CHD2: variants seen among roughly 807,000 people sequenced by gnomAD.
CHD2 encodes the protein ATP-dependent chromatin remodeler CHD2.
In CHD2, 28 loss-of-function variants were observed where a neutral mutation model predicts 243.9. That is an observed-to-expected ratio of 0.11 (90% confidence interval 0.09 to 0.16). The LOEUF (loss-of-function observed/expected upper bound fraction) is 0.16, where lower values mean the gene tolerates loss of function less well. CHD2 is among the 10% of genes least tolerant of loss of function. CHD2 has a pLI of 1.00. For synonymous variants in CHD2, 775 were observed against 779.0 expected, an observed-to-expected ratio of 0.99 and a Z score of 0.09; for missense variants, 1,386 against 2,209.8, an observed-to-expected ratio of 0.63 and a Z score of 7.47.
chr15:92,988,145 C>A (rs1047348131), intron 26 of CHD2, among the ~76,000 whole-genome samples: 5 of 151,618 alleles, frequency 3.3e-5, no homozygotes, highest in Non-Finnish European at 5.9e-5. Context: ...TACAGTGGTG[C>A]AATCTCGGCC....
At chr15:92,958,486 T>G (rs574216262) in intron 16 of CHD2, among the ~76,000 whole-genome samples, 7 of 152,338 alleles carry the variant, frequency 4.6e-5, no homozygotes, top group African/African-American at 1.7e-4. Flanking sequence ...ATTATTTATA[T>G]CCTACTGCTC....
intron 2 of CHD2, chr15:92,921,607 G>GTCA (rs2052957301): frequency 6.6e-6 from 1 of 152,218 alleles, no homozygotes; most frequent in South Asian, 2.1e-4. Context: ...TCCAGCTAGT[G>GTCA]TCATGGATTG....
chr15:92,908,599 C>T (rs1050439380), intron 2 of CHD2, among the ~76,000 whole-genome samples: 1 of 152,108 alleles, frequency 6.6e-6, no homozygotes, highest in Non-Finnish European at 1.5e-5. Flanking sequence ...GCAGTATCTC[C>T]GTGTGTTTTC....
At chr15:92,991,441 GT>G in intron 26 of CHD2, 34 bp from the exon 27 acceptor site, 3 of 1,523,072 alleles carry the variant, frequency 2.0e-6, no homozygotes, top group African/African-American at 1.4e-5. Context: ...GTAAGTCTCT[GT>G]TTTTTTAATA....
At chr15:92,988,696 C>A (rs1235513210) in intron 26 of CHD2, among the ~76,000 whole-genome samples, 1 of 151,938 alleles carries the variant, frequency 6.6e-6, no homozygotes, top group Non-Finnish European at 1.5e-5. Context: ...ATTGGCCTAT[C>A]TTCAGATTTG....
chr15:92,992,743 A>G, intron 27 of CHD2, 116 bp from the exon 28 acceptor site: 1 of 1,293,902 alleles, frequency 7.7e-7, no homozygotes, highest in South Asian at 1.4e-5. Context: ...CACTAAAGGA[A>G]CGCAAAGAAA....
In CHD2 at chr15:93,025,861, G is replaced by A. The variant is rs1328920114; in HGVS notation, c.*1156G>A. 6 of 152,172 alleles carry A rather than the reference G, an allele frequency of 3.9e-5. No homozygotes were observed. Among genetic ancestry groups the A allele is most frequent in the Non-Finnish European group, 8.8e-5 (6 of 68,034 alleles). 9.4% of individuals were successfully genotyped at this position (152,172 alleles called of 1,614,324 possible). On this transcript the variant is annotated 3_prime_UTR_variant, in exon 39 of 39. Coordinates refer to ENST00000394196, the MANE Select transcript of CHD2 (RefSeq NM_001271.4). ...GAGTAGACAGAATCACACATCATGT[G>A]GTGGGCAGATGGAAATAAGTACCTG...
chr15:92,936,250 G>C (rs996569064), intron 5 of CHD2, among the ~76,000 whole-genome samples: 7 of 152,148 alleles, frequency 4.6e-5, no homozygotes, highest in African/African-American at 1.4e-4. Flanking sequence ...ACCATTACTT[G>C]ACCTGTTCTC....
chr15:92,943,958 A>G (rs1015289094), intron 9 of CHD2: 1 of 152,308 alleles, frequency 6.6e-6, no homozygotes, highest in Non-Finnish European at 1.5e-5. Flanking sequence ...AAATATAATA[A>G]TTCTAATATT....
chr15:92,905,039 G>A (rs1376414610), intron 2 of CHD2: 1 of 1,508,938 alleles, frequency 6.6e-7, no homozygotes, highest in Non-Finnish European at 8.9e-7. Context: ...ATATATTTAA[G>A]ATTCACAGTG....
intron 35 of CHD2, among the ~76,000 whole-genome samples, chr15:93,011,048 C>A (rs1447372969): frequency 4.0e-5 from 6 of 151,098 alleles, no homozygotes; most frequent in Admixed American, 2.0e-4. Flanking sequence ...TTACCAACTT[C>A]TTTCTTTACC....
chr15:92,979,183 A>G lies in CHD2; in HGVS notation c.2776A>G (p.Ile926Val). Residue 926 changes from isoleucine (I) to valine (V), a missense_variant, in exon 22 of 39, where the codon ATA becomes GTA. Around this residue, in one of 19 missense-constraint regions of CHD2, gnomAD observed 18 missense variants for 115.3 expected, o/e 0.16. Coordinates refer to ENST00000394196, the MANE Select transcript of CHD2 (RefSeq NM_001271.4). ...AAAGGGGACTGTGGAGGAGGAGATC[A>G]TAGAACGGGCCAAAAAGAAGATGGT... is the stretch of plus-strand genomic sequence containing the variant. The part of the protein sequence containing the change: ...VTKGTVEEEI[I>V]ERAKKKMVLD... The G allele has an allele frequency of 6.2e-7, 1 of 1,614,116 alleles. No individual in the cohort carries two copies. The highest frequency in any genetic ancestry group is 8.5e-7 in the Non-Finnish European group (1 of 1,180,004).
intron 2 of CHD2, chr15:92,921,527 C>A (rs530980373): frequency 6.6e-6 from 1 of 152,136 alleles, no homozygotes; most frequent in Non-Finnish European, 1.5e-5. Flanking sequence ...TCCTTACTTA[C>A]AAGGAAATTC....
At chr15:92,926,521 C>G (rs2053064619) in intron 3 of CHD2, among the ~76,000 whole-genome samples, 1 of 152,154 alleles carries the variant, frequency 6.6e-6, no homozygotes, top group South Asian at 2.1e-4. Context: ...GTAGTTATCT[C>G]TGGGGAAGAA....
chr15:92,933,651 A>T (rs2053215960), intron 5 of CHD2, among the ~76,000 whole-genome samples: 1 of 152,104 alleles, frequency 6.6e-6, no homozygotes, highest in African/African-American at 2.4e-5. Flanking sequence ...ACCAGGTGGG[A>T]GTGCAGTGCA....
chr15:92,928,899 G>C (rs528908766), intron 4 of CHD2, 131 bp from the exon 5 acceptor site: 3 of 715,126 alleles, frequency 4.2e-6, no homozygotes, highest in Admixed American at 6.2e-5. Flanking sequence ...CAAGTGCTTA[G>C]GTTTCTTTGT....
chr15:92,961,711 A>G (rs1255853617), intron 16 of CHD2, among the ~76,000 whole-genome samples: 1 of 152,058 alleles, frequency 6.6e-6, no homozygotes, highest in Non-Finnish European at 1.5e-5. Flanking sequence ...TGTGCCTGGT[A>G]GATTCTTTTA....
At chr15:92,940,889 TA>T (rs56276607) in intron 7 of CHD2, among the ~76,000 whole-genome samples, 57,018 of 131,492 alleles carry the variant, frequency 0.43, 13,619 homozygotes, top group East Asian at 0.83. Flanking sequence ...TAAATATATA[TA>T]AAAATATATA....
At chr15:93,009,410 C>T (rs1596455062) in intron 35 of CHD2, 87 bp downstream of exon 35, 3 of 1,318,278 alleles carry the variant, frequency 2.3e-6, no homozygotes, top group East Asian at 4.9e-5. Context: ...GTGGCATAGC[C>T]ACCTAAGAAA....
Sources: allele counts gnomAD v4.1 joint callset (sites outside exome capture counted in the v4.1 genomes callset), GRCh38; gene constraint gnomAD v4.1.1; regional missense constraint gnomAD v4.1.1; transcripts MANE v1.5; gene names NCBI Gene and HGNC (gene_info 2026-07-23, HGNC 2026-07-21).